Variants in CEND1 observed in about 807,000 individuals in gnomAD.
CEND1 encodes the protein cell cycle exit and neuronal differentiation 1.
CEND1 carries 1 observed loss-of-function variant against 4.4 expected under a neutral mutation model. The ratio of observed to expected loss-of-function variants is 0.23; its 90% CI spans 0.08 to 1.09. The LOEUF (loss-of-function observed/expected upper bound fraction) is 1.09. CEND1 is among the 50% of genes least tolerant of loss of function. CEND1 has a pLI of 0.55. For missense variants in CEND1, 213 were observed against 201.2 expected (o/e 1.06, Z -0.35); for synonymous variants, 109 against 93.0 (o/e 1.17, Z -0.99).
chr11:788,118 C>A lies in CEND1; in HGVS notation c.*9G>T. On this transcript the variant is annotated 3_prime_UTR_variant, in exon 2 of 2. Transcript: ENST00000330106. ...AGTGGCTCCGTGCCCCCCGCCTGGC[C>A]CCCAGGTATTATTTTTTCCGGACCA... The A allele has an allele frequency of 6.5e-7, 1 of 1,536,710 alleles. No homozygotes were observed. Among genetic ancestry groups the A allele is most frequent in the Admixed American group, 2.1e-5 (1 of 48,200 alleles).
At position 788,116 on chromosome 11, in the gene CEND1, G is replaced by T; in HGVS notation, c.*11C>A. 1 of 1,526,752 alleles carries T rather than the reference G, an allele frequency of 6.5e-7. No individual in the cohort carries two copies. The highest frequency in any genetic ancestry group is 8.7e-7 in the Non-Finnish European group (1 of 1,144,446). The allele number at this position is 1,526,752 out of a possible 1,614,324, so 94.6% of individuals were successfully genotyped here. A position where few individuals can be genotyped will look rare whatever the true frequency, so the allele number is the denominator to read the frequency against. On this transcript the variant is annotated 3_prime_UTR_variant, in exon 2 of 2. Coordinates refer to ENST00000330106, the MANE Select transcript of CEND1 (RefSeq NM_016564.4). ...GAAGTGGCTCCGTGCCCCCCGCCTG[G>T]CCCCCAGGTATTATTTTTTCCGGAC... is the stretch of plus-strand genomic sequence containing the variant.
chr11:789,425 C>T (rs1181268283), intron 1 of CEND1, among the ~76,000 whole-genome samples: 6 of 152,212 alleles, frequency 3.9e-5, no homozygotes, highest in Non-Finnish European at 8.8e-5. Flanking sequence ...AGGGTGGGCA[C>T]ATGCTGCACT....
chr11:789,337 T>A (rs1025577329), intron 1 of CEND1, among the ~76,000 whole-genome samples: 36 of 152,058 alleles, frequency 2.4e-4, no homozygotes, highest in African/African-American at 8.2e-4. Flanking sequence ...CGTGCCTGCC[T>A]CCAGCCCTGG....
rs754400857 is a variant in CEND1 at position 788,627 on chromosome 11, G to A, written c.-51C>T. The A allele has an allele frequency of 3.4e-6, 5 of 1,470,072 alleles. No individual in the cohort carries two copies. In the Admixed American group the frequency reaches 6.9e-5, roughly 20 times the overall value. 91.1% of individuals were successfully genotyped at this position (1,470,072 alleles called of 1,614,324 possible). A position where few individuals can be genotyped will look rare whatever the true frequency, so the allele number is the denominator to read the frequency against. ...AGGTGGCTGCACCAGAGGGGCTCAG[G>A]ACAGTTTGTCGCCCCTGGGCATTCT... is the stretch of plus-strand genomic sequence containing the variant. On this transcript the variant is annotated 5_prime_UTR_variant, in exon 2 of 2. Transcript: ENST00000330106.
At position 788,508 on chromosome 11, in the gene CEND1, C is replaced by T. The variant is rs762121831; in HGVS notation, c.69G>A (p.Glu23=). Residue 23 remains glutamate (E), a synonymous_variant, in exon 2 of 2, where the codon GAG becomes GAA. Transcript: ENST00000330106. ...CATCGGCTGCCGGGGGTACCTTGGC[C>T]TCGGTGGTGACCTGGGGCACCTTGG... The part of the protein sequence containing the change: ...PDTKVPQVTT[E]AKVPPAADGK... The T allele has an allele frequency of 2.6e-6, 4 of 1,531,546 alleles. No individual in the cohort carries two copies. Among genetic ancestry groups the T allele is most frequent in the Non-Finnish European group, 3.5e-6 (4 of 1,139,360 alleles). 94.9% of individuals were successfully genotyped at this position (1,531,546 alleles called of 1,614,324 possible).
chr11:788,443 G>C lies in CEND1; in HGVS notation c.134C>G (p.Pro45Arg), dbSNP rs781638810. 5.1e-6 allele frequency: 8 copies of C among 1,576,544 alleles called. No individual in the cohort carries two copies. Among genetic ancestry groups the C allele is most frequent in the Non-Finnish European group, 6.0e-6 (7 of 1,158,982 alleles). The change falls in exon 2 of 2, where the codon CCG becomes CGG. Residue 45 changes from proline to arginine, a missense_variant. By Grantham distance (103) the Pro-to-Arg change is moderately radical (BLOSUM62 -2). Coordinates refer to ENST00000330106, the MANE Select transcript of CEND1 (RefSeq NM_016564.4). Reference protein sequence around the residue: ...PLTKPSKKEAPAEKQQPPAAP... With the variant: ...PLTKPSKKEARAEKQQPPAAP... ...TGCTGGCGGCTGCTGCTTCTCGGCCGGGGCCTCCTTCTTCGAGGGCTTGGT... is the reference window on the plus strand; with the variant it reads ...TGCTGGCGGCTGCTGCTTCTCGGCCCGGGCCTCCTTCTTCGAGGGCTTGGT...
At position 788,216 on chromosome 11, in the gene CEND1, T is replaced by C; in HGVS notation, c.361A>G (p.Asn121Asp). Residue 121 changes from asparagine (N) to aspartate (D), a missense_variant, in exon 2 of 2, where the codon AAC (asparagine) becomes GAC (aspartate). Asn to Asp is a conservative substitution (Grantham distance 23). Transcript: ENST00000330106. ...PGGRGPWSCE[N>D]FNPLLVAGGV... ...CCAGCCACCAGCAGGGGGTTGAAGT[T>C]CTCACAGGACCAGGGACCTCGGCCC... 1 of 1,609,322 alleles carries C rather than the reference T, an allele frequency of 6.2e-7. No individual in the cohort carries two copies. The highest frequency in any genetic ancestry group is 8.5e-7 in the Non-Finnish European group (1 of 1,178,738).
At position 788,106 on chromosome 11, in the gene CEND1, C is replaced by A; in HGVS notation, c.*21G>T. The A allele has an allele frequency of 6.7e-7, 1 of 1,503,410 alleles. No homozygotes were observed. The highest frequency in any genetic ancestry group is 8.8e-7 in the Non-Finnish European group (1 of 1,132,544). 93.1% of individuals were successfully genotyped at this position (1,503,410 alleles called of 1,614,324 possible). ...GTCTGTACAGGAAGTGGCTCCGTGC[C>A]CCCCGCCTGGCCCCCAGGTATTATT... is the stretch of plus-strand genomic sequence containing the variant. On this transcript the variant is annotated 3_prime_UTR_variant, in exon 2 of 2. Coordinates refer to ENST00000330106, the MANE Select transcript of CEND1 (RefSeq NM_016564.4).
Position 788,487 on chromosome 11 carries a change from G to A in CEND1, c.90C>T (p.Ala30=), listed in dbSNP as rs757587514. Residue 30 remains alanine (A), a synonymous_variant, in exon 2 of 2, where the codon GCC becomes GCT. Transcript: ENST00000330106. Reference sequence around the variant, plus strand: ...GCTTGGTCAAGGGGGCTTTCCCATCGGCTGCCGGGGGTACCTTGGCCTCGG... The same window carrying A: ...GCTTGGTCAAGGGGGCTTTCCCATCAGCTGCCGGGGGTACCTTGGCCTCGG... The part of the protein sequence containing the change: ...VTTEAKVPPA[A]DGKAPLTKPS... 65 of 1,541,174 alleles carry A rather than the reference G, an allele frequency of 4.2e-5. 2 individuals are homozygous for A. The South Asian group carries it at 4.6e-4, about 11-fold the overall frequency.
Position 787,923 on chromosome 11 carries a change from C to G in CEND1, c.*204G>C. The G allele has an allele frequency of 2.4e-6, 1 of 410,160 alleles. No individual in the cohort carries two copies. The highest frequency in any genetic ancestry group is 4.3e-6 in the Non-Finnish European group (1 of 234,216). The allele number at this position is 410,160 out of a possible 1,614,324, so 25.4% of individuals were successfully genotyped here. ...TGCTGTGGACCCCGGAGCCTGGGCTCTTTCTGCCCTGGAGGTTGGGGAAGT... is the reference window on the plus strand; with the variant it reads ...TGCTGTGGACCCCGGAGCCTGGGCTGTTTCTGCCCTGGAGGTTGGGGAAGT... On this transcript the variant is annotated 3_prime_UTR_variant, in exon 2 of 2. Coordinates refer to ENST00000330106, the MANE Select transcript of CEND1 (RefSeq NM_016564.4).
At chr11:788,721 C>CTGG in intron 1 of CEND1, 63 bp from the exon 2 acceptor site, 1 of 688,946 alleles carries the variant, frequency 1.5e-6, no homozygotes, top group East Asian at 3.1e-5. Flanking sequence ...CCCCGACCAC[C>CTGG]TGGTCCCCAG....
At position 788,585 on chromosome 11, in the gene CEND1, G is replaced by A; in HGVS notation, c.-9C>T. The A allele has an allele frequency of 6.6e-7, 1 of 1,507,718 alleles. No individual in the cohort carries two copies. The highest frequency in any genetic ancestry group is 1.3e-5 in the South Asian group (1 of 75,372). 93.4% of individuals were successfully genotyped at this position (1,507,718 alleles called of 1,614,324 possible). On this transcript the variant is annotated 5_prime_UTR_variant, in exon 2 of 2. Transcript: ENST00000330106. ...TTCCCTCTGGACTCCATGGTGGGCG[G>A]GGCGTATGGGACAGGCAGGTGGCTG...
In CEND1 at chr11:788,150, C is replaced by A; in HGVS notation, c.427G>T (p.Ala143Ser). 1.3e-6 allele frequency: 2 copies of A among 1,580,264 alleles called. No homozygotes were observed. The highest frequency in any genetic ancestry group is 1.1e-5 in the South Asian group (1 of 89,394). The change falls in exon 2 of 2, where the codon GCC (alanine) becomes TCC (serine). Residue 143 changes from alanine to serine, a missense_variant. Physicochemically the swap from Ala to Ser is moderately conservative, Grantham distance 99 (BLOSUM62 1). Transcript: ENST00000330106. ...VAAIALILGVAFLVRKK is the reference protein window; with the variant it reads ...VAAIALILGVSFLVRKK ...TATTATTTTTTCCGGACCAGGAAGG[C>A]CACACCGAGAATCAGGGCTATGGCT...
At position 788,403 on chromosome 11, in the gene CEND1, T is replaced by C. The variant is rs781709698; in HGVS notation, c.174A>G (p.Ala58=). 2 of 1,591,562 alleles carry C rather than the reference T, an allele frequency of 1.3e-6. No individual in the cohort carries two copies. Among genetic ancestry groups the C allele is most frequent in the Non-Finnish European group, 1.7e-6 (2 of 1,166,242 alleles). The change falls in exon 2 of 2, where the codon GCA becomes GCG. Residue 58 remains alanine (A), a synonymous_variant. Transcript: ENST00000330106. ...KQQPPAAPTT[A]PAKKTSAKAD... ...CCTTGGCCGAGGTCTTCTTGGCAGG[T>C]GCCGTGGTGGGGGCTGCTGGCGGCT...
chr11:788,105 CCCCCCGCCTGG>C lies in CEND1; in HGVS notation c.*11_*21del, dbSNP rs1329817197. On this transcript the variant is annotated 3_prime_UTR_variant, in exon 2 of 2. Transcript: ENST00000330106. ...GGTCTGTACAGGAAGTGGCTCCGTG[CCCCCCGCCTGG>C]CCCCCAGGTATTATTTTTTCCGGAC... 6.7e-7 allele frequency: 1 copy of C among 1,497,384 alleles called. No homozygotes were observed. The highest frequency in any genetic ancestry group is 8.9e-7 in the Non-Finnish European group (1 of 1,128,704). 92.8% of individuals were successfully genotyped at this position (1,497,384 alleles called of 1,614,324 possible).
chr11:788,167 G>A lies in CEND1; in HGVS notation c.410C>T (p.Ala137Val). Residue 137 changes from alanine to valine, a missense_variant, in exon 2 of 2, where the codon GCC becomes GTC. Ala to Val is a moderately conservative substitution (Grantham distance 64, BLOSUM62 0). Transcript: ENST00000330106. ...VAGGVAVAAI[A>V]LILGVAFLVR... ...CAGGAAGGCCACACCGAGAATCAGG[G>A]CTATGGCTGCCACGGCCACACCCCC... 1 of 1,599,190 alleles carries A rather than the reference G, an allele frequency of 6.3e-7. No homozygotes were observed.
In CEND1 at chr11:788,561, T is replaced by A; in HGVS notation, c.16A>T (p.Lys6Ter). ...TCGGGCTTGGGGCTGCTGGCTGACT[T>A]CCCTCTGGACTCCATGGTGGGCGGG... MESRG[K>*]SASSPKPDTK... Residue 6 changes from lysine (K) to a stop codon, truncating the protein, a stop_gained, in exon 2 of 2, where the codon AAG (lysine) becomes TAG (stop). Coordinates refer to ENST00000330106, the MANE Select transcript of CEND1 (RefSeq NM_016564.4). LOFTEE classifies it low-confidence loss of function (END_TRUNC). 6.6e-7 allele frequency: 1 copy of A among 1,518,104 alleles called. No homozygotes were observed. 94.0% of individuals were successfully genotyped at this position (1,518,104 alleles called of 1,614,324 possible).
rs539392940 is a variant in CEND1, at chr11:788,302, G to A, written c.275C>T (p.Pro92Leu). 2.0e-5 allele frequency: 33 copies of A among 1,612,484 alleles called. 2 individuals are homozygous for A. The highest frequency in any genetic ancestry group is 1.1e-4 in the South Asian group (10 of 91,018). ...PTVPSSPDAT[P>L]EPKGPGDGAE... ...CCCGTCCCCAGGACCCTTGGGCTCC[G>A]GGGTTGCATCGGGACTGCTGGGGAC... The change falls in exon 2 of 2, where the codon CCG becomes CTG. Residue 92 changes from proline (P) to leucine (L), a missense_variant. By Grantham distance (98) the Pro-to-Leu change is moderately conservative (BLOSUM62 -3). Transcript: ENST00000330106.
chr11:787,208 TG>T lies in CEND1; in HGVS notation c.*918del, dbSNP rs1175080100. 3.9e-5 allele frequency: 6 copies of T among 152,526 alleles called. No homozygotes were observed. Among genetic ancestry groups the T allele is most frequent in the Non-Finnish European group, 8.8e-5 (6 of 68,116 alleles). The allele number at this position is 152,526 out of a possible 1,614,324, so 9.4% of individuals were successfully genotyped here. On this transcript the variant is annotated 3_prime_UTR_variant, in exon 2 of 2. Coordinates refer to ENST00000330106, the MANE Select transcript of CEND1 (RefSeq NM_016564.4). The stretch of plus-strand genomic sequence containing the variant: ...GTGAGGGCAGGCCACGTTCTCACAG[TG>T]CCCACCACCACCTTCTGGGAGTTCG...
Sources: allele counts gnomAD v4.1 joint callset (sites outside exome capture counted in the v4.1 genomes callset), GRCh38; gene constraint gnomAD v4.1.1; transcripts MANE v1.5; gene names NCBI Gene and HGNC (gene_info 2026-07-23, HGNC 2026-07-21).